TCFL5: variants seen among roughly 807,000 people sequenced by gnomAD.
TCFL5 encodes the protein transcription factor like 5.
Under a neutral mutation model 44.3 loss-of-function variants are expected in TCFL5, and 9 were observed. The observed-to-expected ratio is 0.20, with a 90% CI of 0.12 to 0.35. The LOEUF is 0.35. TCFL5 is among the 10% of genes least tolerant of loss of function. The probability of loss-of-function intolerance (pLI) is 1.00; values close to 1 mark genes in which losing one functional copy is unlikely to be tolerated. For missense variants in TCFL5, 603 were observed against 613.4 expected, an observed-to-expected ratio of 0.98 and a Z score of 0.18; for synonymous variants, 319 against 271.6, an observed-to-expected ratio of 1.17 and a Z score of -1.72.
At chr20:62,843,052 C>T (rs1241750991) in intron 5 of TCFL5, among the ~76,000 whole-genome samples, 9 of 152,202 alleles carry the variant, frequency 5.9e-5, no homozygotes, top group African/African-American at 2.2e-4. Flanking sequence ...AAGAGAGGGG[C>T]ACAGGCGACG....
In TCFL5 at chr20:62,852,691, T is replaced by C. The variant is rs191518777; in HGVS notation, c.1380+1325A>G. On this transcript the variant is annotated intron_variant, in intron 5 of 5. Coordinates refer to ENST00000335351, the MANE Select transcript of TCFL5 (RefSeq NM_006602.4). Reference sequence around the variant, plus strand: ...AGTATATTCACCCGGTCCACAGAAGTACAGTCACCCGGTCCACAGAAGTAT... The same window carrying C: ...AGTATATTCACCCGGTCCACAGAAGCACAGTCACCCGGTCCACAGAAGTAT... The C allele has an allele frequency of 1.5e-3, 1,516 of 984,800 alleles. 16 individuals carry two copies. The African/African-American group carries it at 0.025, about 16-fold the overall frequency. The allele number at this position is 984,800 out of a possible 1,614,324, so 61.0% of individuals were successfully genotyped here.
chr20:62,849,537 A>C (rs191029662), intron 5 of TCFL5, among the ~76,000 whole-genome samples: 6 of 151,946 alleles, frequency 3.9e-5, no homozygotes, highest in Non-Finnish European at 8.8e-5. Flanking sequence ...TGGGTGCTGG[A>C]CTGTGGAAAA....
chr20:62,844,571 G>GTTTT (rs1244475923), intron 5 of TCFL5, among the ~76,000 whole-genome samples: 5 of 136,620 alleles, frequency 3.7e-5, no homozygotes, highest in African/African-American at 1.3e-4. Context: ...GTTTTTTTTT[G>GTTTT]TTTGTTTTTT....
At chr20:62,856,252 CAAA>C (rs11473595) in intron 4 of TCFL5, among the ~76,000 whole-genome samples, 1 of 63,832 alleles carries the variant, frequency 1.6e-5, no homozygotes. Context: ...GACTCCGTCT[CAAA>C]AAAAAAAAAA....
intron 5 of TCFL5, chr20:62,852,589 C>T (rs1356392916): frequency 1.0e-6 from 1 of 985,398 alleles, no homozygotes; most frequent in Non-Finnish European, 1.2e-6. Flanking sequence ...TCCTGAGGGA[C>T]TGCATATGCT....
At chr20:62,844,962 C>T (rs117421936) in intron 5 of TCFL5, 28,185 of 985,284 alleles carry the variant, frequency 0.029, 463 homozygotes, top group Non-Finnish European at 0.031. Flanking sequence ...AGGACACAAG[C>T]GCCATGCTGC....
At position 62,842,123 on chromosome 20, in the gene TCFL5, A is replaced by C. The variant is rs779345224; in HGVS notation, c.1381-26T>G. ...CTGCAGTGAAGAAGTGACGGTTAAC[A>C]TACTGAATTAACTGACATGAAAACT... On this transcript the variant is annotated intron_variant, in intron 5 of 5. Transcript: ENST00000335351. This position sits in a 1 kb window ranked among gnomAD's most constrained non-coding sequence, Gnocchi z 4.3. 6.2e-7 allele frequency: 1 copy of C among 1,613,650 alleles called. No individual in the cohort carries two copies. The highest frequency in any genetic ancestry group is 8.5e-7 in the Non-Finnish European group (1 of 1,179,760).
rs754596282 is a variant in TCFL5 at position 62,857,388 on chromosome 20, G to A, written c.1238+7C>T. The A allele has an allele frequency of 1.4e-5, 23 of 1,613,854 alleles. No homozygotes were observed. The highest frequency in any genetic ancestry group is 1.7e-5 in the Non-Finnish European group (20 of 1,179,832). ...GAGTCAGCCTGACAAGCAGTCACACGTATTACCTTCTATCTCTTTCCATTC... is the reference window on the plus strand; with the variant it reads ...GAGTCAGCCTGACAAGCAGTCACACATATTACCTTCTATCTCTTTCCATTC... On this transcript the variant is annotated splice_region_variant and intron_variant, in intron 4 of 5. Coordinates refer to ENST00000335351, the MANE Select transcript of TCFL5 (RefSeq NM_006602.4).
chr20:62,855,319 CACT>C (rs961819769), intron 4 of TCFL5, among the ~76,000 whole-genome samples: 3 of 152,202 alleles, frequency 2.0e-5, no homozygotes, highest in African/African-American at 2.4e-5. Context: ...GCAACACCAC[CACT>C]ACTAGTATTG....
intron 5 of TCFL5, chr20:62,851,915 TC>T: frequency 1.2e-6 from 1 of 847,944 alleles, no homozygotes; most frequent in Non-Finnish European, 1.4e-6. Context: ...GTTCAACAAT[TC>T]TCCTGCTTCA....
chr20:62,854,280 G>A lies in TCFL5; in HGVS notation c.1239-123C>T, dbSNP rs980051644. 1.0e-5 allele frequency: 13 copies of A among 1,265,150 alleles called. No homozygotes were observed. In the Admixed American group the frequency reaches 1.3e-4, roughly 13 times the overall value. 78.4% of individuals were successfully genotyped at this position (1,265,150 alleles called of 1,614,324 possible). ...GTGCATCCTGGCCACTGAGTGCCAC[G>A]GAAGCGCCTGTCACCACAGGAAGCC... On this transcript the variant is annotated intron_variant, in intron 4 of 5. Coordinates refer to ENST00000335351, the MANE Select transcript of TCFL5 (RefSeq NM_006602.4).
At chr20:62,856,251 T>TC (rs1219323418) in intron 4 of TCFL5, among the ~76,000 whole-genome samples, 5 of 61,980 alleles carry the variant, frequency 8.1e-5, no homozygotes, top group Non-Finnish European at 1.7e-4. Context: ...AGACTCCGTC[T>TC]CAAAAAAAAA....
intron 5 of TCFL5, among the ~76,000 whole-genome samples, chr20:62,849,698 C>T (rs1435481991): frequency 6.6e-6 from 1 of 152,128 alleles, no homozygotes; most frequent in Non-Finnish European, 1.5e-5. Context: ...GTGGCTCATG[C>T]TTGTAATCCC....
At chr20:62,857,305 G>A in intron 4 of TCFL5, 90 bp downstream of exon 4, 1 of 1,533,298 alleles carries the variant, frequency 6.5e-7, no homozygotes, top group Non-Finnish European at 8.8e-7. Context: ...TCTGAACGCA[G>A]AAACGGCTAA....
At chr20:62,847,647 G>A (rs1282660419) in intron 5 of TCFL5, among the ~76,000 whole-genome samples, 2 of 152,174 alleles carry the variant, frequency 1.3e-5, no homozygotes, top group African/African-American at 2.4e-5. Context: ...ATTCTGCCAC[G>A]AACAAGCTAC....
At chr20:62,860,098 C>T (rs2063968721) in intron 2 of TCFL5, 27 bp downstream of exon 2, 2 of 1,583,434 alleles carry the variant, frequency 1.3e-6, no homozygotes, top group African/African-American at 1.4e-5. Context: ...TACAAAAGAG[C>T]AAAGCTTCAC....
rs764576224 is a variant in TCFL5 at position 62,860,304 on chromosome 20, C to T, written c.652G>A (p.Val218Ile). Reference sequence around the variant, plus strand: ...TCAGATGGATGTCGAATGAGAGTTACCAAACTGCCAAGACAAAAGAAAGCC... The same window carrying T: ...TCAGATGGATGTCGAATGAGAGTTATCAAACTGCCAAGACAAAAGAAAGCC... Reference protein sequence around the residue: ...PEPGGALNNLVTLIRHPSELM... With the variant: ...PEPGGALNNLITLIRHPSELM... Residue 218 changes from valine (V) to isoleucine (I), a missense_variant, in exon 2 of 6, where the codon GTA becomes ATA. By Grantham distance (29) the Val-to-Ile change is conservative (BLOSUM62 3). Coordinates refer to ENST00000335351, the MANE Select transcript of TCFL5 (RefSeq NM_006602.4). 5 of 1,604,150 alleles carry T rather than the reference C, an allele frequency of 3.1e-6. No homozygotes were observed. The Admixed American group carries it at 6.7e-5, about 21-fold the overall frequency.
chr20:62,856,505 C>T (rs1354217012), intron 4 of TCFL5, among the ~76,000 whole-genome samples: 1 of 151,710 alleles, frequency 6.6e-6, no homozygotes, highest in Non-Finnish European at 1.5e-5. Context: ...GAGATCAAGA[C>T]CATCCTGGCT....
Position 62,842,259 on chromosome 20 carries a change from TATATA to T in TCFL5, c.1381-167_1381-163del, listed in dbSNP as rs999677943. Among the ~76,000 whole-genome samples, 4 of 150,842 alleles carry T rather than the reference TATATA, an allele frequency of 2.7e-5. No individual in the cohort carries two copies. The highest frequency in any genetic ancestry group is 9.8e-5 in the African/African-American group (4 of 40,656). ...TTGTGTCTTACCTCACAAGGGGATT[TATATA>T]ATAAACAGATTTTAACTTTTTTTTT... On this transcript the variant is annotated intron_variant, in intron 5 of 5. Transcript: ENST00000335351. The surrounding 1 kb of genome is among the most constrained non-coding windows in gnomAD (Gnocchi z 4.3).
Sources: gnomAD v4.1 joint callset for allele counts (sites outside exome capture counted in the v4.1 genomes callset) on GRCh38, gnomAD v4.1.1 for gene constraint, Gnocchi (gnomAD v3.1) non-coding constraint, MANE v1.5 for transcripts, NCBI Gene and HGNC (gene_info 2026-07-23, HGNC 2026-07-21) for gene names.